The following EXOC7 variants were observed in gnomAD, a reference collection of about 807,000 sequenced individuals.
The protein encoded by EXOC7 is exocyst complex component 7.
EXOC7 carries 51 observed loss-of-function variants against 87.6 expected under a neutral mutation model. The ratio of observed to expected loss-of-function variants is 0.58; its 90% CI spans 0.46 to 0.73. EXOC7 has a LOEUF of 0.73. Ranked by LOEUF, EXOC7 falls within the 30% of genes least tolerant of loss-of-function variation. EXOC7 has a pLI of 0.00. For synonymous variants in EXOC7, 327 were observed against 357.1 expected, an observed-to-expected ratio of 0.92 and a Z score of 0.95; for missense variants, 744 against 888.4, an observed-to-expected ratio of 0.84 and a Z score of 2.07.
At position 76,084,151 on chromosome 17, in the gene EXOC7, A is replaced by G. The variant is rs1408179717; in HGVS notation, c.1819-12T>C. On this transcript the variant is annotated splice_polypyrimidine_tract_variant and intron_variant, in intron 17 of 18. Coordinates refer to ENST00000589210, the MANE Select transcript of EXOC7 (RefSeq NM_001013839.4). ...CCATCATTGAAGCCCTGGCCACCAA[A>G]AAGGTGAAAAAGGAAGGCACCCAGA... The G allele has an allele frequency of 1.3e-6, 2 of 1,592,272 alleles. No individual in the cohort carries two copies. Among genetic ancestry groups the G allele is most frequent in the Non-Finnish European group, 1.7e-6 (2 of 1,169,830 alleles).
At position 76,082,000 on chromosome 17, in the gene EXOC7, G is replaced by T; in HGVS notation, c.*1648C>A. 1 of 1,611,802 alleles carries T rather than the reference G, an allele frequency of 6.2e-7. No homozygotes were observed. Among genetic ancestry groups the T allele is most frequent in the East Asian group, 2.2e-5 (1 of 44,858 alleles). ...CCAAGAGCGGCCCCAGCCCAGCCCC[G>T]AGAGGGGAACAGCGAGAGCACGGCA... On this transcript the variant is annotated 3_prime_UTR_variant, in exon 19 of 19. Coordinates refer to ENST00000589210, the MANE Select transcript of EXOC7 (RefSeq NM_001013839.4).
chr17:76,082,034 C>A lies in EXOC7; in HGVS notation c.*1614G>T. On this transcript the variant is annotated 3_prime_UTR_variant, in exon 19 of 19. Transcript: ENST00000589210. ...ACAGCGAGAGCACGGCAACCCAGGG[C>A]CTCATCCTGCTGAAGGTGGGCAGGG... The A allele has an allele frequency of 6.2e-7, 1 of 1,609,106 alleles. No individual in the cohort carries two copies. The highest frequency in any genetic ancestry group is 1.7e-4 in the Middle Eastern group (1 of 6,018).
Position 76,091,227 on chromosome 17 carries a change from G to A in EXOC7, c.817C>T (p.Arg273Cys). 3.1e-6 allele frequency: 5 copies of A among 1,614,048 alleles called. No homozygotes were observed. The highest frequency in any genetic ancestry group is 2.2e-5 in the East Asian group (1 of 44,870). The change falls in exon 7 of 19, where the codon CGT becomes TGT. Residue 273 changes from arginine (R) to cysteine (C), a missense_variant. This residue lies in a region of EXOC7 where 512 missense variants were observed against 573.0 expected (regional missense o/e 0.89). Coordinates refer to ENST00000589210, the MANE Select transcript of EXOC7 (RefSeq NM_001013839.4). ...TGTTTCAGAAGGTTCTGAGCCTTACGGATCGTCCCTGTCACCAGAGCCACA... is the reference window on the plus strand; with the variant it reads ...TGTTTCAGAAGGTTCTGAGCCTTACAGATCGTCCCTGTCACCAGAGCCACA... ...KKPVKRPGTIRKAQNLLKQYS... is the reference protein window; with the variant it reads ...KKPVKRPGTICKAQNLLKQYS...
At chr17:76,088,146 C>T in intron 10 of EXOC7, 24 bp from the exon 11 acceptor site, 1 of 1,612,490 alleles carries the variant, frequency 6.2e-7, no homozygotes, top group Non-Finnish European at 8.5e-7. Flanking sequence ...GCCTCTGGTT[C>T]CCTGAAGCAG....
At position 76,086,165 on chromosome 17, in the gene EXOC7, G is replaced by A. The variant is rs2067202715; in HGVS notation, c.1430-20C>T. On this transcript the variant is annotated intron_variant, in intron 12 of 18. Coordinates refer to ENST00000589210, the MANE Select transcript of EXOC7 (RefSeq NM_001013839.4). Reference sequence around the variant, plus strand: ...TGGTCTCTGTGAGAGGAGAAGTCCTGTTATTGCAGTGGCAGCAGCCAAGAC... The same window carrying A: ...TGGTCTCTGTGAGAGGAGAAGTCCTATTATTGCAGTGGCAGCAGCCAAGAC... 3.1e-6 allele frequency: 5 copies of A among 1,612,064 alleles called. No homozygotes were observed. The South Asian group carries it at 5.5e-5, about 18-fold the overall frequency.
chr17:76,100,690 G>C (rs988138216), intron 4 of EXOC7, among the ~76,000 whole-genome samples: 3 of 151,838 alleles, frequency 2.0e-5, no homozygotes, highest in Non-Finnish European at 4.4e-5. Flanking sequence ...AACAACAAAT[G>C]CATTTATAAA....
chr17:76,083,627 C>G lies in EXOC7; in HGVS notation c.*21G>C, dbSNP rs746624910. The stretch of plus-strand genomic sequence containing the variant: ...CAATGACACGCCAGTCTGGTGGAAC[C>G]AGGCAGGGCTAGCAGCAGGCTCAGG... On this transcript the variant is annotated 3_prime_UTR_variant, in exon 19 of 19. Coordinates refer to ENST00000589210, the MANE Select transcript of EXOC7 (RefSeq NM_001013839.4). 2.5e-6 allele frequency: 4 copies of G among 1,612,198 alleles called. No individual in the cohort carries two copies. Among genetic ancestry groups the G allele is most frequent in the East Asian group, 2.2e-5 (1 of 44,888 alleles).
Position 76,082,134 on chromosome 17 carries a change from G to C in EXOC7, c.*1514C>G. On this transcript the variant is annotated 3_prime_UTR_variant, in exon 19 of 19. Transcript: ENST00000589210. ...GGGCACGGAGGTCCAGGTGTGGGTA[G>C]AGGCCCCTTGCATCCACCCTGCTGG... The C allele has an allele frequency of 1.4e-6, 2 of 1,458,218 alleles. No homozygotes were observed. Among genetic ancestry groups the C allele is most frequent in the Non-Finnish European group, 1.8e-6 (2 of 1,090,446 alleles). The allele number at this position is 1,458,218 out of a possible 1,614,324, so 90.3% of individuals were successfully genotyped here.
rs201349583 is a variant in EXOC7, at chr17:76,097,841, C to T, written c.595G>A (p.Val199Ile). ...EHLPESVLQD[V>I]IRISRWLVEY... ...ACCAGCCAGCGGGAGATGCGAATGA[C>T]ATCCTGGAGCACGCTCTCGGGCAGG... is the stretch of plus-strand genomic sequence containing the variant. The change falls in exon 5 of 19, where the codon GTC (valine) becomes ATC (isoleucine). Residue 199 changes from valine to isoleucine, a missense_variant. Physicochemically the swap from Val to Ile is conservative, Grantham distance 29. Coordinates refer to ENST00000589210, the MANE Select transcript of EXOC7 (RefSeq NM_001013839.4). 8.7e-6 allele frequency: 14 copies of T among 1,613,294 alleles called. No individual in the cohort carries two copies. The East Asian group carries it at 2.9e-4, about 33-fold the overall frequency.
intron 5 of EXOC7, among the ~76,000 whole-genome samples, chr17:76,096,026 C>T (rs1434113105): frequency 6.6e-6 from 1 of 152,170 alleles, no homozygotes. Context: ...GTCCACTGCG[C>T]CTCCCTCTTG....
chr17:76,102,606 TA>T (rs549629971), intron 2 of EXOC7, among the ~76,000 whole-genome samples: 5,728 of 148,498 alleles, frequency 0.039, 147 homozygotes, highest in Middle Eastern at 0.072. Flanking sequence ...ACTCTGCCTC[TA>T]AAAAAAAAAA....
intron 6 of EXOC7, 139 bp from the exon 7 acceptor site, chr17:76,091,374 G>C: frequency 1.5e-6 from 1 of 652,448 alleles, no homozygotes; most frequent in Non-Finnish European, 2.7e-6. Flanking sequence ...GAGACCACCA[G>C]AGACGCTGGG....
intron 12 of EXOC7, chr17:76,086,996 G>A (rs1422274132): frequency 1.0e-5 from 10 of 963,068 alleles, no homozygotes; most frequent in East Asian, 2.7e-5. Context: ...ATGTCAACCC[G>A]AATTAAGCAG....
intron 5 of EXOC7, among the ~76,000 whole-genome samples, chr17:76,095,353 C>T (rs899850602): frequency 5.3e-5 from 8 of 151,502 alleles, no homozygotes; most frequent in African/African-American, 1.9e-4. Flanking sequence ...ACTGCAACCT[C>T]TGCCTCCCGG....
At chr17:76,092,991 G>A (rs2067570378) in intron 6 of EXOC7, 1 of 152,438 alleles carries the variant, frequency 6.6e-6, no homozygotes, top group African/African-American at 2.4e-5. Context: ...CCCAAGGATG[G>A]ATGTGGTCCA....
intron 12 of EXOC7, among the ~76,000 whole-genome samples, chr17:76,087,115 G>A (rs1407348493): frequency 6.6e-6 from 1 of 152,220 alleles, no homozygotes; most frequent in African/African-American, 2.4e-5. Flanking sequence ...GCAGGCTGGA[G>A]GCTGCCCACA....
At position 76,094,398 on chromosome 17, in the gene EXOC7, C is replaced by T. The variant is rs1325296565; in HGVS notation, c.808+16G>A. On this transcript the variant is annotated intron_variant, in intron 6 of 18. Coordinates refer to ENST00000589210, the MANE Select transcript of EXOC7 (RefSeq NM_001013839.4). Reference sequence around the variant, plus strand: ...GCCTCTGGCTGTTGCAGAGATGGGCCAGGATGGGGGCTCACCTGGCCGCTT... The same window carrying T: ...GCCTCTGGCTGTTGCAGAGATGGGCTAGGATGGGGGCTCACCTGGCCGCTT... 1.2e-6 allele frequency: 2 copies of T among 1,607,662 alleles called. No homozygotes were observed. Among genetic ancestry groups the T allele is most frequent in the Non-Finnish European group, 1.7e-6 (2 of 1,177,048 alleles).
At chr17:76,101,528 G>A (rs1238080483) in intron 3 of EXOC7, 151 bp downstream of exon 3, 2 of 1,345,336 alleles carry the variant, frequency 1.5e-6, no homozygotes, top group Non-Finnish European at 2.0e-6. Context: ...GGGCTTAAAA[G>A]GCGTCTCACT....
intron 7 of EXOC7, chr17:76,090,661 GAGA>G (rs1010032813): frequency 1.3e-5 from 8 of 626,642 alleles, no homozygotes; most frequent in African/African-American, 3.7e-5. Context: ...AGGGAAAGCG[GAGA>G]AGGACCAAGG....
Sources: allele counts gnomAD v4.1 joint callset (sites outside exome capture counted in the v4.1 genomes callset), GRCh38; gene constraint gnomAD v4.1.1; regional missense constraint gnomAD v4.1.1; transcripts MANE v1.5; gene names NCBI Gene and HGNC (gene_info 2026-07-23, HGNC 2026-07-21).